RANBP9: variants seen among roughly 807,000 people sequenced by gnomAD.
The protein encoded by RANBP9 is RAN binding protein 9.
Under a neutral mutation model 84.3 loss-of-function variants are expected in RANBP9, and 15 were observed. The ratio of observed to expected loss-of-function variants is 0.18; its 90% CI spans 0.12 to 0.27. RANBP9 has a LOEUF of 0.27. Ranked by LOEUF, RANBP9 falls within the 10% of genes least tolerant of loss-of-function variation. The pLI is 1.00. For synonymous variants in RANBP9, 392 were observed against 349.6 expected, an observed-to-expected ratio of 1.12 and a Z score of -1.35; for missense variants, 809 against 912.8, an observed-to-expected ratio of 0.89 and a Z score of 1.46.
chr6:13,626,264 C>T (rs1323052976), intron 12 of RANBP9, among the ~76,000 whole-genome samples: 6 of 152,208 alleles, frequency 3.9e-5, no homozygotes, highest in African/African-American at 1.2e-4. Flanking sequence ...TTTATGCATT[C>T]AGTATTTCCA....
chr6:13,672,336 T>A (rs1185762756), intron 2 of RANBP9, among the ~76,000 whole-genome samples: 2 of 152,268 alleles, frequency 1.3e-5, no homozygotes, highest in South Asian at 4.1e-4. Flanking sequence ...GATTTCATCA[T>A]ATGATTATAG....
chr6:13,685,929 C>CA (rs566635171), intron 2 of RANBP9, among the ~76,000 whole-genome samples: 2,277 of 99,512 alleles, frequency 0.023, 24 homozygotes, highest in African/African-American at 0.043. Flanking sequence ...GACTCTGTCT[C>CA]AAAAAAAAAA....
intron 2 of RANBP9, among the ~76,000 whole-genome samples, chr6:13,659,242 C>T (rs3799930): frequency 9.5e-6 from 1 of 105,766 alleles, no homozygotes; most frequent in Non-Finnish European, 2.1e-5. Flanking sequence ...AATTTAGACC[C>T]CACACACACA....
rs777774472 is a variant in RANBP9, at chr6:13,651,374, TTTG to T, written c.927+1282_927+1284del. Among the ~76,000 whole-genome samples the T allele has an allele frequency of 4.0e-3, 582 of 145,386 alleles. 2 individuals carry two copies. Among genetic ancestry groups the T allele is most frequent in the African/African-American group, 0.014 (528 of 38,144 alleles). On this transcript the variant is annotated intron_variant, in intron 5 of 13. Transcript: ENST00000011619. ...TTCTACCCTTACTCCCATATAGTTT[TTTG>T]TTGTTGTTGTTGTTTTGTTTTTTTG...
chr6:13,657,744 T>G (rs113704665), intron 3 of RANBP9, among the ~76,000 whole-genome samples: 216 of 152,306 alleles, frequency 1.4e-3, no homozygotes, highest in Non-Finnish European at 2.1e-3. Flanking sequence ...ACAGATATGT[T>G]TATATCATCA....
chr6:13,710,646 C>A (rs1366339591), intron 1 of RANBP9, among the ~76,000 whole-genome samples: 1 of 152,220 alleles, frequency 6.6e-6, no homozygotes. Context: ...CCAGTTCTGT[C>A]CTGTCATCCC....
intron 2 of RANBP9, among the ~76,000 whole-genome samples, chr6:13,691,334 G>C (rs1340056743): frequency 6.6e-6 from 1 of 152,056 alleles, no homozygotes; most frequent in Non-Finnish European, 1.5e-5. Flanking sequence ...ACTCATGGCA[G>C]AAAATGAAAT....
At chr6:13,632,954 A>G (rs553825223) in intron 11 of RANBP9, among the ~76,000 whole-genome samples, 9 of 152,178 alleles carry the variant, frequency 5.9e-5, no homozygotes, top group Admixed American at 3.3e-4. Flanking sequence ...AATGACTACA[A>G]TAAAAATACA....
At position 13,641,259 on chromosome 6, in the gene RANBP9, G is replaced by T; in HGVS notation, c.1274C>A (p.Thr425Lys). 1.2e-6 allele frequency: 2 copies of T among 1,604,434 alleles called. No individual in the cohort carries two copies. The highest frequency in any genetic ancestry group is 1.7e-6 in the Non-Finnish European group (2 of 1,175,896). ...LAGRMGEAIETTQQLYPSLLE... is the reference protein window; with the variant it reads ...LAGRMGEAIEKTQQLYPSLLE... ...TAAACTTGGGTATAACTGTTGTGTTGTTTCAATGGCTTCTCCCATTCTTCC... is the reference window on the plus strand; with the variant it reads ...TAAACTTGGGTATAACTGTTGTGTTTTTTCAATGGCTTCTCCCATTCTTCC... The change falls in exon 8 of 14, where the codon ACA (threonine) becomes AAA (lysine). Residue 425 changes from threonine to lysine, a missense_variant. This residue lies in a region of RANBP9 where 216 missense variants were observed against 329.0 expected (regional missense o/e 0.66). Coordinates refer to ENST00000011619, the MANE Select transcript of RANBP9 (RefSeq NM_005493.3).
intron 5 of RANBP9, among the ~76,000 whole-genome samples, chr6:13,646,358 G>A (rs745619232): frequency 6.6e-6 from 1 of 152,154 alleles, no homozygotes. Flanking sequence ...CTGGTGAGCC[G>A]AGATTGTGCC....
At chr6:13,703,089 T>G (rs1055182616) in intron 1 of RANBP9, among the ~76,000 whole-genome samples, 4 of 152,222 alleles carry the variant, frequency 2.6e-5, no homozygotes, top group Non-Finnish European at 4.4e-5. Flanking sequence ...CACCGCTGGC[T>G]ACAGCCTCAA....
At chr6:13,627,549 G>C (rs1764643681) in intron 12 of RANBP9, among the ~76,000 whole-genome samples, 1 of 144,782 alleles carries the variant, frequency 6.9e-6, no homozygotes, top group Admixed American at 7.2e-5. Flanking sequence ...AGAATCACTT[G>C]AACCCAGTAG....
chr6:13,647,343 C>T (rs1584921013), intron 5 of RANBP9, among the ~76,000 whole-genome samples: 1 of 152,090 alleles, frequency 6.6e-6, no homozygotes, highest in Admixed American at 6.5e-5. Context: ...AAACTCTGAC[C>T]AGTCATTGAT....
chr6:13,673,020 T>C (rs998999889), intron 2 of RANBP9, among the ~76,000 whole-genome samples: 6 of 152,126 alleles, frequency 3.9e-5, no homozygotes, highest in Non-Finnish European at 5.9e-5. Context: ...CCAAAATTAA[T>C]GACAGATCCC....
intron 13 of RANBP9, among the ~76,000 whole-genome samples, chr6:13,623,733 T>C (rs1051172119): frequency 2.6e-5 from 4 of 152,156 alleles, no homozygotes; most frequent in Admixed American, 1.3e-4. Context: ...TATAAACATA[T>C]ACATGCCCAT....
intron 13 of RANBP9, among the ~76,000 whole-genome samples, chr6:13,623,048 T>A (rs1410124380): frequency 6.6e-6 from 1 of 152,192 alleles, no homozygotes; most frequent in African/African-American, 2.4e-5. Flanking sequence ...CCCACAGTTT[T>A]GGAGGTGCTA....
At chr6:13,675,205 G>A (rs932403236) in intron 2 of RANBP9, among the ~76,000 whole-genome samples, 9 of 152,102 alleles carry the variant, frequency 5.9e-5, no homozygotes, top group African/African-American at 1.2e-4. Flanking sequence ...TCCAATAACC[G>A]CATAATACAT....
intron 5 of RANBP9, among the ~76,000 whole-genome samples, chr6:13,649,036 GAA>G (rs1225753173): frequency 6.6e-6 from 1 of 152,202 alleles, no homozygotes; most frequent in East Asian, 1.9e-4. Context: ...AACAGGTGCA[GAA>G]CAATCTAGGT....
chr6:13,683,825 T>G (rs1766103116), intron 2 of RANBP9, among the ~76,000 whole-genome samples: 2 of 151,574 alleles, frequency 1.3e-5, no homozygotes, highest in Admixed American at 1.3e-4. Flanking sequence ...ACTGACAGAG[T>G]AAGAGGTAAG....
Sources: gnomAD v4.1 joint callset for allele counts (sites outside exome capture counted in the v4.1 genomes callset) on GRCh38, gnomAD v4.1.1 for gene constraint, gnomAD v4.1.1 regional missense constraint, MANE v1.5 for transcripts, NCBI Gene and HGNC (gene_info 2026-07-23, HGNC 2026-07-21) for gene names.